Variants in BICC1 observed in about 807,000 individuals in gnomAD.
The protein encoded by BICC1 is BicC family RNA binding protein 1.
In BICC1, 43 loss-of-function variants were observed where a neutral mutation model predicts 111.0. That is an observed-to-expected ratio of 0.39 (90% CI 0.30 to 0.50). BICC1 has a LOEUF of 0.50. BICC1 is among the 20% of genes least tolerant of loss of function. BICC1 has a pLI of 0.88. For synonymous variants in BICC1, 467 were observed against 434.4 expected (o/e 1.07, Z -0.93); for missense variants, 1,091 against 1,203.2 (o/e 0.91, Z 1.38).
At chr10:58,699,873 G>A (rs1385338448) in intron 2 of BICC1, among the ~76,000 whole-genome samples, 3 of 151,982 alleles carry the variant, frequency 2.0e-5, no homozygotes, top group Non-Finnish European at 4.4e-5. Context: ...TGTATTTTTT[G>A]TAGAGACGGA....
At position 58,771,863 on chromosome 10, in the gene BICC1, T is replaced by C. The variant is rs150186019; in HGVS notation, c.308-13138T>C. Among the ~76,000 whole-genome samples the C allele has an allele frequency of 5.3e-5, 8 of 152,318 alleles. No individual in the cohort carries two copies. The East Asian group carries it at 1.5e-3, about 29-fold the overall frequency. ...CATTGAAGGCTTTTGGGGAGAAAGATGGTTTTAAGGAAATGATTTTTTAAC... is the reference window on the plus strand; with the variant it reads ...CATTGAAGGCTTTTGGGGAGAAAGACGGTTTTAAGGAAATGATTTTTTAAC... On this transcript the variant is annotated intron_variant, in intron 3 of 20. Transcript: ENST00000373886.
intron 1 of BICC1, among the ~76,000 whole-genome samples, chr10:58,540,304 TA>T (rs34307091): frequency 0.48 from 68,610 of 142,670 alleles, 16,668 homozygotes; most frequent in Admixed American, 0.63. Flanking sequence ...AGAAAAAGAG[TA>T]AAAAAAAAAG....
chr10:58,583,583 TC>T (rs1844343786), intron 1 of BICC1, among the ~76,000 whole-genome samples: 1 of 64,978 alleles, frequency 1.5e-5, no homozygotes, highest in Non-Finnish European at 3.3e-5. Flanking sequence ...ATTCTCTCTC[TC>T]TGTGTGTGTG....
intron 3 of BICC1, among the ~76,000 whole-genome samples, chr10:58,731,571 G>A (rs1841295708): frequency 6.6e-6 from 1 of 152,170 alleles, no homozygotes; most frequent in African/African-American, 2.4e-5. Flanking sequence ...AAGAAAAGAG[G>A]CTTAATTGTC....
At chr10:58,809,939 T>A (rs183733068) in intron 17 of BICC1, among the ~76,000 whole-genome samples, 1 of 152,316 alleles carries the variant, frequency 6.6e-6, no homozygotes, top group African/African-American at 2.4e-5. Context: ...TCTAGAGCCA[T>A]GTTGCCATAG....
At chr10:58,742,639 T>C (rs986146298) in intron 3 of BICC1, among the ~76,000 whole-genome samples, 4 of 152,056 alleles carry the variant, frequency 2.6e-5, no homozygotes, top group Admixed American at 6.5e-5. Flanking sequence ...CGTTTCACCA[T>C]ATTGGCCAGT....
chr10:58,717,327 T>C (rs542778221), intron 3 of BICC1, among the ~76,000 whole-genome samples: 112 of 147,442 alleles, frequency 7.6e-4, no homozygotes, highest in Middle Eastern at 3.4e-3. Context: ...CTTGCCAAGA[T>C]ATTTAGCATG....
chr10:58,563,608 T>G (rs891833829), intron 1 of BICC1, among the ~76,000 whole-genome samples: 1 of 152,200 alleles, frequency 6.6e-6, no homozygotes, highest in African/African-American at 2.4e-5. Flanking sequence ...TGCAGTTATC[T>G]CTTTGTTGTT....
Position 58,586,536 on chromosome 10 carries a change from C to T in BICC1, c.191-34319C>T, listed in dbSNP as rs754027534. 1.2e-4 allele frequency among the ~76,000 whole-genome samples: 13 copies of T among 108,674 alleles called. No individual in the cohort carries two copies. The South Asian group carries it at 2.0e-3, about 17-fold the overall frequency. The allele number at this position is 108,674 out of a possible 152,430, so 71.3% of individuals were successfully genotyped here. A position where few individuals can be genotyped will look rare whatever the true frequency, so the allele number is the denominator to read the frequency against. ...GAATCACTTGAACCGGGGTTGGGGG[C>T]GGGGGGGCGCGGAGGTTGCAGTGAG... is the stretch of plus-strand genomic sequence containing the variant. On this transcript the variant is annotated intron_variant, in intron 1 of 20. Transcript: ENST00000373886.
rs572731386 is a variant in BICC1 at position 58,654,042 on chromosome 10, T to C, written c.237+33141T>C. Among the ~76,000 whole-genome samples the C allele has an allele frequency of 1.4e-3, 209 of 149,414 alleles. 1 individual carries two copies. The highest frequency in any genetic ancestry group is 4.8e-3 in the African/African-American group (195 of 40,788). On this transcript the variant is annotated intron_variant, in intron 2 of 20. Transcript: ENST00000373886. ...TTTTTTATGGCTGCATAGTATTCCA[T>C]GATGTATATGTGCCACATTTTCTTA... is the stretch of plus-strand genomic sequence containing the variant.
At chr10:58,777,378 C>T (rs1842775499) in intron 3 of BICC1, among the ~76,000 whole-genome samples, 1 of 152,084 alleles carries the variant, frequency 6.6e-6, no homozygotes, top group Admixed American at 6.6e-5. Context: ...TAAACTCTTC[C>T]ATCGCTGATT....
intron 1 of BICC1, among the ~76,000 whole-genome samples, chr10:58,549,788 C>A (rs931234853): frequency 6.6e-6 from 1 of 151,188 alleles, no homozygotes; most frequent in African/African-American, 2.4e-5. Context: ...TGAGTTCAAG[C>A]GATTCTCCTG....
At chr10:58,703,564 C>T (rs1187096329) in intron 3 of BICC1, among the ~76,000 whole-genome samples, 2 of 152,068 alleles carry the variant, frequency 1.3e-5, no homozygotes, top group African/African-American at 4.8e-5. Flanking sequence ...AATTCTGTAT[C>T]TTTGTATAAG....
intron 3 of BICC1, among the ~76,000 whole-genome samples, chr10:58,734,076 C>T (rs1004816833): frequency 6.6e-6 from 1 of 152,158 alleles, no homozygotes; most frequent in Non-Finnish European, 1.5e-5. Flanking sequence ...TTGTCACTAA[C>T]CTGCACAGGG....
intron 3 of BICC1, among the ~76,000 whole-genome samples, chr10:58,746,674 A>C (rs902330156): frequency 6.6e-6 from 1 of 152,146 alleles, no homozygotes. Flanking sequence ...TAGGAGAGGC[A>C]TTCTTTCCTT....
intron 12 of BICC1, among the ~76,000 whole-genome samples, chr10:58,799,629 C>T (rs1394811814): frequency 2.0e-5 from 3 of 151,926 alleles, no homozygotes; most frequent in Non-Finnish European, 1.5e-5. Context: ...TTGTTATTGT[C>T]GACTCTATTG....
intron 3 of BICC1, among the ~76,000 whole-genome samples, chr10:58,718,038 T>C (rs772711676): frequency 5.3e-5 from 8 of 152,260 alleles, no homozygotes; most frequent in Admixed American, 1.3e-4. Flanking sequence ...GGAACACTTA[T>C]TTATATCACT....
intron 9 of BICC1, among the ~76,000 whole-genome samples, chr10:58,794,045 G>T (rs997572712): frequency 9.9e-5 from 15 of 152,036 alleles, no homozygotes; most frequent in Admixed American, 3.9e-4. Flanking sequence ...AGTCCATTTA[G>T]AGTAACCATT....
chr10:58,607,891 A>G (rs1588922133), intron 1 of BICC1, among the ~76,000 whole-genome samples: 1 of 152,130 alleles, frequency 6.6e-6, no homozygotes, highest in South Asian at 2.1e-4. Context: ...ATGCCCTAGA[A>G]CTGGACATGT....
Sources: allele counts gnomAD v4.1 joint callset (sites outside exome capture counted in the v4.1 genomes callset), GRCh38; gene constraint gnomAD v4.1.1; transcripts MANE v1.5; gene names NCBI Gene and HGNC (gene_info 2026-07-23, HGNC 2026-07-21).